The following TTC6 variants were observed in gnomAD, a reference collection of about 807,000 sequenced individuals.
TTC6 encodes tetratricopeptide repeat protein 6.
A neutral mutation model predicts 210.4 loss-of-function variants in TTC6; 172 were observed. The observed-to-expected ratio is 0.82, with a 90% CI of 0.72 to 0.93. The LOEUF is 0.93. TTC6 is among the 40% of genes least tolerant of loss of function. The probability of loss-of-function intolerance (pLI) is 0.00; values close to 1 mark genes in which losing one functional copy is unlikely to be tolerated. For synonymous variants in TTC6, 804 were observed against 819.6 expected, an observed-to-expected ratio of 0.98 and a Z score of 0.32; for missense variants, 2,414 against 2,318.1, an observed-to-expected ratio of 1.04 and a Z score of -0.85.
chr14:37,682,418 T>C (rs1379524019), intron 2 of TTC6, among the ~76,000 whole-genome samples: 2 of 147,340 alleles, frequency 1.4e-5, no homozygotes, highest in Non-Finnish European at 3.0e-5. Context: ...TAAAGTTCTA[T>C]TTTACAAAAT....
chr14:37,615,556 C>A (rs1273206732), intron 2 of TTC6, among the ~76,000 whole-genome samples: 1 of 151,930 alleles, frequency 6.6e-6, no homozygotes, highest in Non-Finnish European at 1.5e-5. Flanking sequence ...TCTCCATTTT[C>A]CTAATCAAAT....
Position 37,738,758 on chromosome 14 carries a change from CTT to C in TTC6, c.1984-16_1984-15del, listed in dbSNP as rs2095908999. On this transcript the variant is annotated splice_polypyrimidine_tract_variant and intron_variant, in intron 9 of 30. Transcript: ENST00000553443. ...AATTGATTTTACGTTTTTTCTACCTCTTTGCTTGCTTACTAAGCGAGTAAAAT... is the reference window on the plus strand; with the variant it reads ...AATTGATTTTACGTTTTTTCTACCTCTGCTTGCTTACTAAGCGAGTAAAAT... 7.0e-7 allele frequency: 1 copy of C among 1,438,808 alleles called. No homozygotes were observed. The highest frequency in any genetic ancestry group is 1.4e-5 in the African/African-American group (1 of 69,278). 89.1% of individuals were successfully genotyped at this position (1,438,808 alleles called of 1,614,324 possible).
intron 30 of TTC6, 126 bp downstream of exon 32, chr14:37,841,796 A>G: frequency 2.5e-6 from 2 of 809,702 alleles, no homozygotes; most frequent in Non-Finnish European, 3.9e-6. Context: ...GTGTTTTTAG[A>G]TATCATGTCC....
chr14:37,753,483 G>A (rs1405318458), intron 14 of TTC6, among the ~76,000 whole-genome samples: 1 of 152,126 alleles, frequency 6.6e-6, no homozygotes, highest in Non-Finnish European at 1.5e-5. Flanking sequence ...AATTTCTAAA[G>A]CATTGCCTAC....
intron 1 of TTC6, among the ~76,000 whole-genome samples, chr14:37,676,970 GT>G (rs1392168487): frequency 1.3e-5 from 2 of 152,036 alleles, no homozygotes; most frequent in Admixed American, 6.6e-5. Flanking sequence ...TAGTTTGATA[GT>G]AAATTTTGAA....
At chr14:37,809,720 C>G (rs2096125934) in intron 24 of TTC6, among the ~76,000 whole-genome samples, 1 of 152,052 alleles carries the variant, frequency 6.6e-6, no homozygotes, top group African/African-American at 2.4e-5. Context: ...TGCAGCAAAC[C>G]TTTTTTTCCA....
chr14:37,826,470 T>C, intron 28 of TTC6, 123 bp downstream of exon 30: 1 of 983,290 alleles, frequency 1.0e-6, no homozygotes, highest in Non-Finnish European at 1.4e-6. Context: ...TGTTTTGTAT[T>C]TTTTTTTAAC....
chr14:37,648,272 A>G (rs1028697754), intron 1 of TTC6, among the ~76,000 whole-genome samples: 1 of 152,168 alleles, frequency 6.6e-6, no homozygotes. Flanking sequence ...TAGCTTTATG[A>G]TAGATATTCA....
chr14:37,678,696 T>G (rs2095775852), intron 1 of TTC6, among the ~76,000 whole-genome samples: 2 of 152,214 alleles, frequency 1.3e-5, no homozygotes, highest in Admixed American at 1.3e-4. Flanking sequence ...CCATTCTCTG[T>G]CATCACAGTT....
intron 20 of TTC6, among the ~76,000 whole-genome samples, chr14:37,799,053 T>C (rs1345893445): frequency 6.6e-6 from 1 of 152,120 alleles, no homozygotes; most frequent in African/African-American, 2.4e-5. Flanking sequence ...ATTGATCTCA[T>C]AGGATTATTT....
intron 14 of TTC6, among the ~76,000 whole-genome samples, chr14:37,768,553 C>T (rs2096006840): frequency 6.6e-6 from 1 of 152,116 alleles, no homozygotes; most frequent in Non-Finnish European, 1.5e-5. Context: ...ATTTTATTCT[C>T]CTTGAAGCAA....
intron 14 of TTC6, among the ~76,000 whole-genome samples, chr14:37,786,610 G>C (rs1161080494): frequency 1.3e-5 from 2 of 152,314 alleles, no homozygotes; most frequent in Admixed American, 6.5e-5. Flanking sequence ...TTGGCTCACT[G>C]TCCGTGGGCT....
intron 6 of TTC6, among the ~76,000 whole-genome samples, chr14:37,716,309 C>T (rs1397813480): frequency 6.6e-6 from 1 of 151,954 alleles, no homozygotes; most frequent in African/African-American, 2.4e-5. Flanking sequence ...CCAGACAGAG[C>T]AGACAGGAAA....
Position 37,808,853 on chromosome 14 carries a change from T to G in TTC6, c.4569+7T>G. 1 of 1,395,558 alleles carries G rather than the reference T, an allele frequency of 7.2e-7. No homozygotes were observed. The highest frequency in any genetic ancestry group is 2.1e-5 in the Admixed American group (1 of 47,522). The allele number at this position is 1,395,558 out of a possible 1,614,324, so 86.4% of individuals were successfully genotyped here. On this transcript the variant is annotated splice_region_variant and intron_variant, in intron 24 of 30. Coordinates refer to ENST00000553443, the Ensembl canonical transcript of TTC6. Reference sequence around the variant, plus strand: ...GATAAGGGAACTTCAAATGGTAAGATGACCATTTTAGTAAACAATGTGTTT... The same window carrying G: ...GATAAGGGAACTTCAAATGGTAAGAGGACCATTTTAGTAAACAATGTGTTT...
chr14:37,793,398 T>G (rs1424883276), intron 17 of TTC6, among the ~76,000 whole-genome samples: 1 of 152,202 alleles, frequency 6.6e-6, no homozygotes, highest in East Asian at 1.9e-4. Context: ...AATTACTGTA[T>G]TAAAACAAAG....
upstream of TTC6, among the ~76,000 whole-genome samples, chr14:37,618,400 C>T (rs951840458): frequency 2.6e-5 from 4 of 152,156 alleles, no homozygotes; most frequent in East Asian, 3.9e-4. Context: ...CATTCTGTCC[C>T]GTTTTAAAGT....
chr14:37,747,379 A>G (rs1461779853), intron 10 of TTC6, among the ~76,000 whole-genome samples: 2 of 152,254 alleles, frequency 1.3e-5, no homozygotes, highest in Non-Finnish European at 1.5e-5. Context: ...AAAAATGTCA[A>G]AGTACAAGGA....
Position 37,643,171 on chromosome 14 carries a change from G to A in TTC6, c.939+20168G>A, listed in dbSNP as rs369448101. Among the ~76,000 whole-genome samples the A allele has an allele frequency of 2.6e-5, 4 of 152,110 alleles. No homozygotes were observed. In the East Asian group the frequency reaches 7.7e-4, roughly 29 times the overall value. ...AAAAATACAAAAACTAGCTGGGTGTGGTGGCTCACTCCTGTAATTCCAGCT... is the reference window on the plus strand; with the variant it reads ...AAAAATACAAAAACTAGCTGGGTGTAGTGGCTCACTCCTGTAATTCCAGCT... On this transcript the variant is annotated intron_variant, in intron 1 of 30. Transcript: ENST00000553443.
intron 14 of TTC6, among the ~76,000 whole-genome samples, chr14:37,777,927 G>A (rs79013727): frequency 0.033 from 5,065 of 152,132 alleles, 136 homozygotes; most frequent in Non-Finnish European, 0.051. Context: ...TCTAACTCTG[G>A]GGGAGTGGTA....
Sources: allele counts gnomAD v4.1 joint callset (sites outside exome capture counted in the v4.1 genomes callset), GRCh38; gene constraint gnomAD v4.1.1; transcripts MANE v1.5; gene names NCBI Gene and HGNC (gene_info 2026-07-23, HGNC 2026-07-21).